The following SYT1 variants were observed in gnomAD, a reference collection of about 807,000 sequenced individuals.
The protein encoded by SYT1 is synaptotagmin 1.
SYT1 carries 8 observed loss-of-function variants against 44.8 expected under a neutral mutation model. The observed-to-expected ratio is 0.18, with a 90% confidence interval of 0.10 to 0.32. SYT1 has a LOEUF of 0.32. Ranked by LOEUF, SYT1 falls within the 10% of genes least tolerant of loss-of-function variation. The pLI, the probability that SYT1 is intolerant of heterozygous loss-of-function variation, is 1.00. For missense variants in SYT1, 286 were observed against 509.3 expected (o/e 0.56, Z 4.22); for synonymous variants, 154 against 188.8 (o/e 0.82, Z 1.51).
intron 3 of SYT1, among the ~76,000 whole-genome samples, chr12:79,054,889 C>T (rs536088287): frequency 2.1e-4 from 32 of 151,924 alleles, no homozygotes; most frequent in African/African-American, 7.7e-4. Flanking sequence ...GTCACTTTCC[C>T]TGGAAATTGA....
chr12:79,397,908 A>G lies in SYT1; in HGVS notation c.928+44289A>G, dbSNP rs79669359. On this transcript the variant is annotated intron_variant, in intron 9 of 10. Transcript: ENST00000261205. ...CACTGTAAATTCCATATCACTATGC[A>G]GAACTGAGGTTCCTGACATTTTTGT... Among the ~76,000 whole-genome samples, 140 of 152,346 alleles carry G rather than the reference A, an allele frequency of 9.2e-4. No homozygotes were observed. The East Asian group carries it at 9.6e-3, about 10-fold the overall frequency.
chr12:78,947,845 GA>G (rs578047346), intron 1 of SYT1, among the ~76,000 whole-genome samples: 7 of 148,254 alleles, frequency 4.7e-5, no homozygotes, highest in African/African-American at 1.2e-4. Flanking sequence ...ACATGGATGA[GA>G]AAAAAAAAGC....
intron 1 of SYT1, among the ~76,000 whole-genome samples, chr12:78,895,358 T>A (rs1183381371): frequency 6.6e-6 from 1 of 151,714 alleles, no homozygotes; most frequent in Non-Finnish European, 1.5e-5. Flanking sequence ...TTCTGTCAAA[T>A]GCATAATGTA....
At chr12:79,289,179 A>G (rs1879453424) in intron 5 of SYT1, among the ~76,000 whole-genome samples, 1 of 152,228 alleles carries the variant, frequency 6.6e-6, no homozygotes, top group Admixed American at 6.5e-5. Context: ...CACCTGTTGA[A>G]TGTCAAAGCA....
rs1454409885 is a variant in SYT1 at position 79,451,930 on chromosome 12, C to T, written c.*2806C>T. The T allele has an allele frequency of 6.6e-6, 1 of 152,172 alleles. No individual in the cohort carries two copies. Among genetic ancestry groups the T allele is most frequent in the Non-Finnish European group, 1.5e-5 (1 of 68,034 alleles). 9.4% of individuals were successfully genotyped at this position (152,172 alleles called of 1,614,324 possible). On this transcript the variant is annotated 3_prime_UTR_variant, in exon 11 of 11. Transcript: ENST00000261205. ...GTTTCACTTTGTGTAGTGAATTCCA[C>T]AGTAGTTTTCTGATTGTTGTTAAAA...
At chr12:79,014,122 C>CAAAAAAAAAAAAAAAAAAA (rs1358787041) in intron 2 of SYT1, among the ~76,000 whole-genome samples, 1 of 39,696 alleles carries the variant, frequency 2.5e-5, no homozygotes, top group Non-Finnish European at 5.7e-5. Flanking sequence ...AGACTCTCTC[C>CAAAAAAAAAAAAAAAAAAA]AAAAAAAAAA....
At chr12:79,412,624 T>C (rs955396459) in intron 9 of SYT1, among the ~76,000 whole-genome samples, 10 of 152,196 alleles carry the variant, frequency 6.6e-5, no homozygotes, top group African/African-American at 2.2e-4. Context: ...TGTAACACTA[T>C]TGTTAATCAT....
At chr12:79,041,847 T>A (rs1873605983) in intron 2 of SYT1, among the ~76,000 whole-genome samples, 1 of 152,066 alleles carries the variant, frequency 6.6e-6, no homozygotes, top group Non-Finnish European at 1.5e-5. Flanking sequence ...GTTGTTGAAT[T>A]TTGTCAAAGG....
intron 1 of SYT1, among the ~76,000 whole-genome samples, chr12:78,909,074 G>C (rs1876157852): frequency 6.6e-6 from 1 of 151,850 alleles, no homozygotes; most frequent in African/African-American, 2.4e-5. Context: ...TTTCTGCCCA[G>C]AAATGGCTAT....
chr12:79,369,313 C>A (rs926440642), intron 9 of SYT1, among the ~76,000 whole-genome samples: 2 of 151,932 alleles, frequency 1.3e-5, no homozygotes, highest in Non-Finnish European at 2.9e-5. Flanking sequence ...GAAACCCTGT[C>A]TCTACAAAAA....
At chr12:79,022,601 T>G (rs759337861) in intron 2 of SYT1, among the ~76,000 whole-genome samples, 1 of 151,678 alleles carries the variant, frequency 6.6e-6, no homozygotes, top group Non-Finnish European at 1.5e-5. Flanking sequence ...TTTGTTTTGT[T>G]TTGGAAAATT....
chr12:79,095,772 G>T lies in SYT1; in HGVS notation c.-18+48410G>T, dbSNP rs527812028. ...CAGAGTGACTTGTTCTCCTGCCTGG[G>T]CTCACCAAAACTGTTAGGGACAAAG... On this transcript the variant is annotated intron_variant, in intron 3 of 10. Transcript: ENST00000261205. Among the ~76,000 whole-genome samples, 4 of 151,976 alleles carry T rather than the reference G, an allele frequency of 2.6e-5. No homozygotes were observed. In the East Asian group the frequency reaches 7.7e-4, roughly 29 times the overall value.
In SYT1 at chr12:79,066,958, G is replaced by A. The variant is rs535822809; in HGVS notation, c.-18+19596G>A. ...TGAATAAAACCTTAAAATTTTCAGG[G>A]ATAGGTTGGAAATACACATTACATG... On this transcript the variant is annotated intron_variant, in intron 3 of 10. Coordinates refer to ENST00000261205, the MANE Select transcript of SYT1 (RefSeq NM_005639.3). 5.9e-5 allele frequency among the ~76,000 whole-genome samples: 9 copies of A among 152,110 alleles called. 1 individual carries two copies. The South Asian group carries it at 1.0e-3, about 18-fold the overall frequency.
At chr12:78,923,265 T>C (rs1403584122) in intron 1 of SYT1, among the ~76,000 whole-genome samples, 1 of 151,980 alleles carries the variant, frequency 6.6e-6, no homozygotes, top group Non-Finnish European at 1.5e-5. Context: ...TTAATTTAAA[T>C]AAGCACACAT....
At chr12:79,276,404 G>T (rs750268095) in intron 4 of SYT1, among the ~76,000 whole-genome samples, 1 of 151,904 alleles carries the variant, frequency 6.6e-6, no homozygotes, top group Non-Finnish European at 1.5e-5. Flanking sequence ...TTAGTGGGGC[G>T]CAATGACTCA....
intron 4 of SYT1, among the ~76,000 whole-genome samples, chr12:79,228,067 TTCTC>T (rs1875633363): frequency 6.6e-6 from 1 of 151,774 alleles, no homozygotes; most frequent in Non-Finnish European, 1.5e-5. Flanking sequence ...TAATTTTACT[TTCTC>T]TCTCCTTCAT....
rs1262739070 is a variant in SYT1, at chr12:79,450,152, A to G, written c.*1028A>G. ...GGTTTGCACATTAGAGTTTGTAACA[A>G]AATATTTTATTATATAAAACCAGGT... On this transcript the variant is annotated 3_prime_UTR_variant, in exon 11 of 11. Transcript: ENST00000261205. The G allele has an allele frequency of 6.6e-6, 1 of 152,600 alleles. No individual in the cohort carries two copies. Among genetic ancestry groups the G allele is most frequent in the Non-Finnish European group, 1.5e-5 (1 of 68,034 alleles). The allele number at this position is 152,600 out of a possible 1,614,324, so 9.5% of individuals were successfully genotyped here.
intron 4 of SYT1, among the ~76,000 whole-genome samples, chr12:79,222,068 C>T (rs1875196448): frequency 6.6e-6 from 1 of 152,118 alleles, no homozygotes; most frequent in Admixed American, 6.6e-5. Flanking sequence ...TTGCTGGGTA[C>T]ACTATTCTCT....
chr12:79,370,553 A>G (rs923207866), intron 9 of SYT1, among the ~76,000 whole-genome samples: 8 of 151,988 alleles, frequency 5.3e-5, no homozygotes, highest in Non-Finnish European at 5.9e-5. Flanking sequence ...ACGAGGTCAG[A>G]AGATCGGGAC....
Sources: allele counts gnomAD v4.1 joint callset (sites outside exome capture counted in the v4.1 genomes callset), GRCh38; gene constraint gnomAD v4.1.1; transcripts MANE v1.5; gene names NCBI Gene and HGNC (gene_info 2026-07-23, HGNC 2026-07-21).